PTK7: variants seen among roughly 807,000 people sequenced by gnomAD.
PTK7 encodes protein tyrosine kinase 7 (inactive), also known as inactive tyrosine-protein kinase 7.
PTK7 carries 39 observed loss-of-function variants against 116.6 expected under a neutral mutation model. The ratio of observed to expected loss-of-function variants is 0.33; its 90% CI spans 0.26 to 0.44. PTK7 has a LOEUF of 0.44. PTK7 is among the 20% of genes least tolerant of loss of function. The pLI is 1.00. For synonymous variants in PTK7, 546 were observed against 563.6 expected (o/e 0.97, Z 0.44); for missense variants, 1,169 against 1,425.6 (o/e 0.82, Z 2.90).
chr6:43,088,853 A>G (rs1240135720), intron 1 of PTK7, among the ~76,000 whole-genome samples: 1 of 152,136 alleles, frequency 6.6e-6, no homozygotes, highest in African/African-American at 2.4e-5. Context: ...TGCTGCTGGA[A>G]GGTCACAGGC....
chr6:43,098,411 AG>A (rs1283746795), intron 1 of PTK7, among the ~76,000 whole-genome samples: 1 of 148,998 alleles, frequency 6.7e-6, no homozygotes, highest in Non-Finnish European at 1.5e-5. Context: ...GCTGGAGTGT[AG>A]TGGTGCAATT....
intron 1 of PTK7, among the ~76,000 whole-genome samples, chr6:43,119,562 T>C (rs534500085): frequency 2.6e-5 from 4 of 152,282 alleles, no homozygotes; most frequent in Admixed American, 6.5e-5. Context: ...AGTGAATGGC[T>C]GTTGAGCCCA....
At position 43,129,495 on chromosome 6, in the gene PTK7, C is replaced by A; in HGVS notation, c.367+231C>A. ...CCCATTTATCTGCTGCATGCTTGTG[C>A]AAATGGAAAGGGCGGCCGAGCCCTT... On this transcript the variant is annotated intron_variant, in intron 2 of 19. Coordinates refer to ENST00000230419, the MANE Select transcript of PTK7 (RefSeq NM_002821.5). The surrounding 1 kb of genome is among the most constrained non-coding windows in gnomAD (Gnocchi z 4.5). 3 of 736,086 alleles carry A rather than the reference C, an allele frequency of 4.1e-6. No individual in the cohort carries two copies. The highest frequency in any genetic ancestry group is 6.5e-6 in the Non-Finnish European group (3 of 461,284). The allele number at this position is 736,086 out of a possible 1,614,324, so 45.6% of individuals were successfully genotyped here. A position where few individuals can be genotyped will look rare whatever the true frequency, so the allele number is the denominator to read the frequency against.
intron 15 of PTK7, chr6:43,144,990 T>C (rs75561860): frequency 1.2e-4 from 56 of 456,830 alleles, no homozygotes; most frequent in East Asian, 9.7e-4. Context: ...CGAGTCACCC[T>C]TTGGAAAATG....
At chr6:43,154,120 G>A (rs1028679302) in intron 17 of PTK7, among the ~76,000 whole-genome samples, 3 of 152,012 alleles carry the variant, frequency 2.0e-5, no homozygotes, top group East Asian at 1.9e-4. Context: ...CCGAGATAGC[G>A]CCACTGCACT....
At chr6:43,107,295 C>T (rs1235978458) in intron 1 of PTK7, among the ~76,000 whole-genome samples, 3 of 152,178 alleles carry the variant, frequency 2.0e-5, no homozygotes, top group Non-Finnish European at 2.9e-5. Context: ...CACCCATCAT[C>T]CTGTGTGATA....
intron 17 of PTK7, among the ~76,000 whole-genome samples, chr6:43,157,381 T>A (rs1379690854): frequency 6.6e-5 from 7 of 105,732 alleles, no homozygotes; most frequent in African/African-American, 2.1e-4. Flanking sequence ...TTTTTCTTTT[T>A]TTTTTTTTTT....
rs186848158 is a variant in PTK7, at chr6:43,153,181, G to C, written c.2722-5636G>C. Among the ~76,000 whole-genome samples, 691 of 151,952 alleles carry C rather than the reference G, an allele frequency of 4.5e-3. 4 individuals carry two copies. The highest frequency in any genetic ancestry group is 6.6e-3 in the Non-Finnish European group (446 of 67,988). On this transcript the variant is annotated intron_variant, in intron 17 of 19. Coordinates refer to ENST00000230419, the MANE Select transcript of PTK7 (RefSeq NM_002821.5). The stretch of plus-strand genomic sequence containing the variant: ...GCTGGAGTGCAGTGGCATGATTTCG[G>C]CTCACTGCAAGCTCTGCCTGCCAGG...
intron 7 of PTK7, 57 bp from the exon 8 acceptor site, chr6:43,138,792 C>A: frequency 6.5e-7 from 1 of 1,538,392 alleles, no homozygotes; most frequent in East Asian, 2.3e-5. Flanking sequence ...GGAGATGGAT[C>A]CTTTAGTTTT....
chr6:43,157,356 AT>A (rs1717818432), intron 17 of PTK7, among the ~76,000 whole-genome samples: 2 of 3,196 alleles, frequency 6.3e-4, no homozygotes, highest in African/African-American at 8.1e-4. Context: ...ATATATATAT[AT>A]ATATATATTT....
Position 43,132,585 on chromosome 6 carries a change from C to A in PTK7, c.1126C>A (p.Leu376Met). ...CAGGGTCTACCAGAAGGGCCACGAG[C>A]TGGTGTTGGCCAATATTGCTGAAAG... is the stretch of plus-strand genomic sequence containing the variant. Reference protein sequence around the residue: ...HGRVYQKGHELVLANIAESDA... With the variant: ...HGRVYQKGHEMVLANIAESDA... Residue 376 changes from leucine (L) to methionine (M), a missense_variant, in exon 7 of 20, where the codon CTG becomes ATG. Physicochemically the swap from Leu to Met is conservative, Grantham distance 15. Transcript: ENST00000230419. 1 of 1,612,880 alleles carries A rather than the reference C, an allele frequency of 6.2e-7. No homozygotes were observed. Among genetic ancestry groups the A allele is most frequent in the Non-Finnish European group, 8.5e-7 (1 of 1,179,654 alleles).
intron 1 of PTK7, among the ~76,000 whole-genome samples, chr6:43,104,054 A>G (rs1485038009): frequency 6.6e-6 from 1 of 152,182 alleles, no homozygotes. Flanking sequence ...TATTCTTAGT[A>G]CTTAGAGCAG....
chr6:43,084,342 T>C (rs535659251), intron 1 of PTK7, among the ~76,000 whole-genome samples: 28 of 152,348 alleles, frequency 1.8e-4, no homozygotes, highest in South Asian at 1.4e-3. Context: ...GAGGTCTTGC[T>C]GTGTTGCCCA....
At chr6:43,086,492 G>GAGGT (rs1561932881) in intron 1 of PTK7, among the ~76,000 whole-genome samples, 1 of 151,628 alleles carries the variant, frequency 6.6e-6, no homozygotes, top group Non-Finnish European at 1.5e-5. Context: ...TGGGACTGCT[G>GAGGT]AGGTGTCCCA....
intron 17 of PTK7, among the ~76,000 whole-genome samples, chr6:43,157,364 A>ATATATATATTTTT (rs70990168): frequency 2.4e-4 from 13 of 54,342 alleles, no homozygotes; most frequent in Non-Finnish European, 2.9e-4. Flanking sequence ...ATATATATAT[A>ATATATATATTTTT]TTTTTTTTTT....
intron 1 of PTK7, among the ~76,000 whole-genome samples, chr6:43,096,391 A>C (rs1218854055): frequency 6.6e-6 from 1 of 150,944 alleles, no homozygotes; most frequent in African/African-American, 2.4e-5. Flanking sequence ...GAGGACCGGG[A>C]TCCAAGGGAG....
chr6:43,132,403 C>T lies in PTK7; in HGVS notation c.962-18C>T. Reference sequence around the variant, plus strand: ...ACCCACAATAATTGGGCCATTCCTCCTACTTATGTCCTTGCAGAGATTGAA... The same window carrying T: ...ACCCACAATAATTGGGCCATTCCTCTTACTTATGTCCTTGCAGAGATTGAA... On this transcript the variant is annotated intron_variant, in intron 6 of 19. Transcript: ENST00000230419. 1 of 1,546,720 alleles carries T rather than the reference C, an allele frequency of 6.5e-7. No homozygotes were observed. The highest frequency in any genetic ancestry group is 8.8e-7 in the Non-Finnish European group (1 of 1,142,130).
intron 1 of PTK7, among the ~76,000 whole-genome samples, chr6:43,122,580 C>A (rs1394712917): frequency 6.6e-6 from 1 of 151,886 alleles, no homozygotes; most frequent in African/African-American, 2.4e-5. Flanking sequence ...CTACAGGGAC[C>A]CAGGCCGTGG....
chr6:43,110,061 A>G (rs1768109373), intron 1 of PTK7, among the ~76,000 whole-genome samples: 1 of 133,212 alleles, frequency 7.5e-6, no homozygotes, highest in Admixed American at 8.6e-5. Context: ...CAGTGGCGTG[A>G]TTTTGGCTCA....
Sources: allele counts gnomAD v4.1 joint callset (sites outside exome capture counted in the v4.1 genomes callset), GRCh38; gene constraint gnomAD v4.1.1; non-coding constraint Gnocchi (gnomAD v3.1); transcripts MANE v1.5; gene names NCBI Gene and HGNC (gene_info 2026-07-23, HGNC 2026-07-21).